Variants in MON2 observed in about 807,000 individuals in gnomAD.
The protein encoded by MON2 is MON2 regulator of endosome-to-Golgi trafficking.
Under a neutral mutation model 208.6 loss-of-function variants are expected in MON2, and 84 were observed. That is an observed-to-expected ratio of 0.40 (90% CI 0.34 to 0.48). The LOEUF is 0.48. Ranked by LOEUF, MON2 falls within the 20% of genes least tolerant of loss-of-function variation. The pLI, the probability that MON2 is intolerant of heterozygous loss-of-function variation, is 0.59. For synonymous variants in MON2, 660 were observed against 694.0 expected, an observed-to-expected ratio of 0.95 and a Z score of 0.77; for missense variants, 1,611 against 2,015.4, an observed-to-expected ratio of 0.80 and a Z score of 3.84.
chr12:62,570,720 T>C (rs76029893), intron 29 of MON2, among the ~76,000 whole-genome samples: 39 of 148,566 alleles, frequency 2.6e-4, no homozygotes, highest in African/African-American at 8.5e-4. Context: ...AATTTTCTTT[T>C]TCTTTTTTTT....
At chr12:62,524,675 T>A (rs558735063) in intron 9 of MON2, 36 bp downstream of exon 9, 2 of 1,593,170 alleles carry the variant, frequency 1.3e-6, no homozygotes, top group Non-Finnish European at 1.7e-6. Flanking sequence ...AATAGATAGG[T>A]TAATGTTTAT....
In MON2 at chr12:62,532,144, AT is replaced by A. The variant is rs2072683304; in HGVS notation, c.1401-289del. On this transcript the variant is annotated intron_variant, in intron 11 of 34. Coordinates refer to ENST00000393630, the MANE Select transcript of MON2 (RefSeq NM_015026.3). ...CATTGTATTTTGCATGTCAGTCTTA[AT>A]TTTTCTAATATCTAATATTTAATGA... Among the ~76,000 whole-genome samples the A allele has an allele frequency of 2.0e-5, 3 of 152,148 alleles. No homozygotes were observed. In the South Asian group the frequency reaches 6.2e-4, roughly 31 times the overall value.
At chr12:62,510,568 T>G (rs1644483909) in intron 8 of MON2, among the ~76,000 whole-genome samples, 1 of 152,168 alleles carries the variant, frequency 6.6e-6, no homozygotes, top group Admixed American at 6.5e-5. Context: ...AGAAAAAGTA[T>G]TTGGCAAAAT....
At chr12:62,576,969 CTAA>C (rs1332760419) in intron 30 of MON2, among the ~76,000 whole-genome samples, 5 of 151,568 alleles carry the variant, frequency 3.3e-5, no homozygotes, top group South Asian at 2.1e-4. Context: ...TCTATAAACA[CTAA>C]TAATATAGAA....
At position 62,585,303 on chromosome 12, in the gene MON2, T is replaced by C; in HGVS notation, c.4709T>C (p.Ile1570Thr). ...SQSSSFTEAEIDIRLREEFSK... is the reference protein window; with the variant it reads ...SQSSSFTEAETDIRLREEFSK... The stretch of plus-strand genomic sequence containing the variant: ...TTTGTTAATTTTACAGAAGCAGAGA[T>C]TGATATTCGTTTGAGAGAGGAATTT... The change falls in exon 33 of 35, where the codon ATT (isoleucine) becomes ACT (threonine). Residue 1570 changes from isoleucine to threonine, a missense_variant. Ile to Thr is a moderately conservative substitution (Grantham distance 89). Transcript: ENST00000393630. 1.2e-6 allele frequency: 2 copies of C among 1,611,856 alleles called. No homozygotes were observed. Among genetic ancestry groups the C allele is most frequent in the Non-Finnish European group, 8.5e-7 (1 of 1,178,488 alleles).
At chr12:62,545,057 C>T (rs538277995) in intron 21 of MON2, 49 bp downstream of exon 21, 62 of 1,209,586 alleles carry the variant, frequency 5.1e-5, no homozygotes, top group Non-Finnish European at 7.0e-5. Context: ...TAAAATTATC[C>T]TCCTCCATAT....
intron 8 of MON2, among the ~76,000 whole-genome samples, chr12:62,516,483 T>G (rs2071696453): frequency 1.3e-5 from 2 of 152,116 alleles, no homozygotes; most frequent in South Asian, 2.1e-4. Flanking sequence ...GGCGGCCAGA[T>G]CACATGAGGT....
rs897974238 is a variant in MON2, at chr12:62,592,924, C to G, written c.*175C>G. The stretch of plus-strand genomic sequence containing the variant: ...TTCATATTACAGGCTTGCACATCAA[C>G]AAAGGCTCCTGAATGAACAGCAGTG... On this transcript the variant is annotated 3_prime_UTR_variant, in exon 35 of 35. Transcript: ENST00000393630. The G allele has an allele frequency of 5.4e-6, 3 of 556,624 alleles. No individual in the cohort carries two copies. The highest frequency in any genetic ancestry group is 3.3e-5 in the South Asian group (1 of 30,270). The allele number at this position is 556,624 out of a possible 1,614,324, so 34.5% of individuals were successfully genotyped here. A position where few individuals can be genotyped will look rare whatever the true frequency, so the allele number is the denominator to read the frequency against.
rs1459387153 is a variant in MON2 at position 62,513,695 on chromosome 12, C to A, written c.984+5215C>A. 1.6e-5 allele frequency among the ~76,000 whole-genome samples: 2 copies of A among 127,400 alleles called. 1 individual carries two copies. Among genetic ancestry groups the A allele is most frequent in the Non-Finnish European group, 3.6e-5 (2 of 55,442 alleles). 83.6% of individuals were successfully genotyped at this position (127,400 alleles called of 152,430 possible). A position where few individuals can be genotyped will look rare whatever the true frequency, so the allele number is the denominator to read the frequency against. On this transcript the variant is annotated intron_variant, in intron 8 of 34. Coordinates refer to ENST00000393630, the MANE Select transcript of MON2 (RefSeq NM_015026.3). ...AGTGTGGTGGCTCACGCCTGTAATC[C>A]CAGCACTTTGGGAGGCTGAGGCAGG...
chr12:62,598,240 A>G lies in MON2; in HGVS notation c.*5491A>G, dbSNP rs1416336281. On this transcript the variant is annotated 3_prime_UTR_variant, in exon 35 of 35. Transcript: ENST00000393630. Reference sequence around the variant, plus strand: ...CTAATTGTACTATGGTATTGATTCTATCCCCTCAAGTATGAAAAAATTAAA... The same window carrying G: ...CTAATTGTACTATGGTATTGATTCTGTCCCCTCAAGTATGAAAAAATTAAA... 1 of 152,172 alleles carries G rather than the reference A, an allele frequency of 6.6e-6. No individual in the cohort carries two copies. The highest frequency in any genetic ancestry group is 2.4e-5 in the African/African-American group (1 of 41,432). The allele number at this position is 152,172 out of a possible 1,614,324, so 9.4% of individuals were successfully genotyped here. A position where few individuals can be genotyped will look rare whatever the true frequency, so the allele number is the denominator to read the frequency against.
intron 8 of MON2, among the ~76,000 whole-genome samples, chr12:62,522,916 G>A (rs1380668251): frequency 6.6e-6 from 1 of 152,178 alleles, no homozygotes; most frequent in Non-Finnish European, 1.5e-5. Flanking sequence ...TAATTGGTTT[G>A]TGTTATAGTC....
intron 1 of MON2, among the ~76,000 whole-genome samples, chr12:62,475,992 C>T (rs1377127077): frequency 7.3e-5 from 11 of 151,146 alleles, no homozygotes; most frequent in South Asian, 2.1e-4. Flanking sequence ...GCCTGGGCAA[C>T]GAGAGCTAAA....
At chr12:62,513,155 C>T (rs1322045156) in intron 8 of MON2, among the ~76,000 whole-genome samples, 1 of 152,204 alleles carries the variant, frequency 6.6e-6, no homozygotes, top group East Asian at 1.9e-4. Context: ...TGGTGATTAA[C>T]ATTCAGCTCC....
At chr12:62,474,276 G>A (rs1187804796) in intron 1 of MON2, among the ~76,000 whole-genome samples, 13 of 151,734 alleles carry the variant, frequency 8.6e-5, no homozygotes, top group Admixed American at 6.6e-5. Flanking sequence ...CTGCCACCAC[G>A]CCCAGCTAAT....
chr12:62,524,261 G>C (rs2072219176), intron 8 of MON2, among the ~76,000 whole-genome samples: 1 of 152,096 alleles, frequency 6.6e-6, no homozygotes, highest in Admixed American at 6.5e-5. Flanking sequence ...CAAGGATAAA[G>C]GATTAACCGT....
intron 8 of MON2, among the ~76,000 whole-genome samples, chr12:62,509,391 A>G (rs1326332900): frequency 2.0e-5 from 3 of 152,226 alleles, no homozygotes; most frequent in Non-Finnish European, 4.4e-5. Flanking sequence ...CTGGGATTAC[A>G]GGCGTCAGCC....
intron 2 of MON2, among the ~76,000 whole-genome samples, chr12:62,487,971 G>C (rs183482376): frequency 6.0e-4 from 92 of 152,216 alleles, no homozygotes; most frequent in Admixed American, 2.7e-3. Context: ...CCTGAGGTCA[G>C]AGTCAACATC....
chr12:62,576,903 A>G (rs1408920727), intron 30 of MON2, among the ~76,000 whole-genome samples: 1 of 151,910 alleles, frequency 6.6e-6, no homozygotes, highest in African/African-American at 2.4e-5. Context: ...ACACACTAAT[A>G]CACCTTAGCA....
intron 2 of MON2, among the ~76,000 whole-genome samples, chr12:62,488,557 T>A (rs1395706590): frequency 6.6e-6 from 1 of 152,106 alleles, no homozygotes; most frequent in Non-Finnish European, 1.5e-5. Context: ...ACGTTCATAT[T>A]TATATTTTAA....
Sources: allele counts gnomAD v4.1 joint callset (sites outside exome capture counted in the v4.1 genomes callset), GRCh38; gene constraint gnomAD v4.1.1; transcripts MANE v1.5; gene names NCBI Gene and HGNC (gene_info 2026-07-23, HGNC 2026-07-21).